Variants in PHF8 observed in about 807,000 individuals in gnomAD.
The protein encoded by PHF8 is histone lysine demethylase PHF8.
Under a neutral mutation model 74.4 loss-of-function variants are expected in PHF8, and 9 were observed. That is an observed-to-expected ratio of 0.12 (90% CI 0.07 to 0.21). The LOEUF (loss-of-function observed/expected upper bound fraction) is 0.21. PHF8 is among the 10% of genes least tolerant of loss of function. The pLI is 1.00. For missense variants in PHF8, 478 were observed against 816.6 expected (o/e 0.59, Z 5.05); for synonymous variants, 311 against 316.6 (o/e 0.98, Z 0.19).
Position 53,940,257 on chromosome X carries a change from G to A in PHF8, c.2909C>T (p.Thr970Ile), listed in dbSNP as rs1557083020. ...AFGMAQANRS[T>I]TPMAPGVFLT... ...GAAGACACCGGGGGCCATAGGTGTG[G>A]TGCTGCGGTTTGCCTGGGCCATGCC... is the stretch of plus-strand genomic sequence containing the variant. Residue 970 changes from threonine to isoleucine, a missense_variant, in exon 21 of 22, where the codon ACC (threonine) becomes ATC (isoleucine). By Grantham distance (89) the Thr-to-Ile change is moderately conservative. Transcript: ENST00000338154. 8.3e-7 allele frequency: 1 copy of A among 1,199,564 alleles called. No individual in the cohort carries two copies. The highest frequency in any genetic ancestry group is 2.3e-5 in the Admixed American group (1 of 44,189).
Position 54,014,297 on chromosome X carries a change from A to T in PHF8, c.783+80T>A, listed in dbSNP as rs2066028120. On this transcript the variant is annotated intron_variant, in intron 7 of 21. Transcript: ENST00000338154. ...TTCAAAATGTAAATCAAACTGATTC[A>T]AAATGTTTCTGTGCTGCCATGTGAC... The T allele has an allele frequency of 1.5e-5, 11 of 734,064 alleles. No homozygotes were observed. In the South Asian group the frequency reaches 2.4e-4, roughly 16 times the overall value. The allele number at this position is 734,064 out of a possible 1,213,427, so 60.5% of individuals were successfully genotyped here. A position where few individuals can be genotyped will look rare whatever the true frequency, so the allele number is the denominator to read the frequency against.
At chrX:53,999,046 A>C (rs1321610363) in intron 11 of PHF8, among the ~76,000 whole-genome samples, 1 of 112,424 alleles carries the variant, frequency 8.9e-6, no homozygotes, top group East Asian at 2.8e-4. Flanking sequence ...TAACTATTAA[A>C]TGTTTCTGGA....
upstream of PHF8, chrX:54,045,130 C>G (rs1557117203): frequency 2.8e-6 from 1 of 352,409 alleles, no homozygotes; most frequent in African/African-American, 2.6e-5. Context: ...CCTCTGAACT[C>G]TTCTTTGACC....
chrX:53,981,843 T>C (rs1179332385), intron 18 of PHF8, among the ~76,000 whole-genome samples: 3 of 111,940 alleles, frequency 2.7e-5, no homozygotes, highest in African/African-American at 9.7e-5. Context: ...GACATGAGGT[T>C]ATATTCAGGA....
chrX:53,998,319 T>A (rs1217070248), intron 11 of PHF8, among the ~76,000 whole-genome samples: 2 of 110,591 alleles, frequency 1.8e-5, no homozygotes, highest in Non-Finnish European at 3.8e-5. Context: ...CCAGGCGTGG[T>A]GGCACATGCC....
At chrX:53,961,073 G>A (rs1362639922) in intron 19 of PHF8, among the ~76,000 whole-genome samples, 1 of 108,978 alleles carries the variant, frequency 9.2e-6, no homozygotes, top group East Asian at 2.9e-4. Flanking sequence ...CCAGGCTGGA[G>A]TGCAGTGGCA....
intron 18 of PHF8, among the ~76,000 whole-genome samples, chrX:53,973,457 T>A (rs781854969): frequency 3.6e-5 from 4 of 111,043 alleles, no homozygotes; most frequent in Non-Finnish European, 5.7e-5. Flanking sequence ...CATAGACCAA[T>A]GAACAGAATA....
At chrX:53,989,001 G>A (rs1425503897) in intron 14 of PHF8, among the ~76,000 whole-genome samples, 12 of 99,399 alleles carry the variant, frequency 1.2e-4, no homozygotes, top group Non-Finnish European at 1.2e-4. Flanking sequence ...TTGCTCTGTC[G>A]CCCAGGCTGG....
rs1374755010 is a variant in PHF8, at chrX:53,981,539, A to T, written c.2443+3375T>A. 5.4e-5 allele frequency among the ~76,000 whole-genome samples: 6 copies of T among 111,675 alleles called. No homozygotes were observed. In the Admixed American group the frequency reaches 5.7e-4, roughly 11 times the overall value. On this transcript the variant is annotated intron_variant, in intron 18 of 21. Transcript: ENST00000338154. The stretch of plus-strand genomic sequence containing the variant: ...TTTTTTTTGTTTGTTTGTTTTGCCA[A>T]AAAAGATTGATAGGGACTAGGCCCT...
intron 18 of PHF8, among the ~76,000 whole-genome samples, chrX:53,966,624 C>T (rs782460725): frequency 2.5e-4 from 28 of 112,003 alleles, no homozygotes; most frequent in Non-Finnish European, 4.9e-4. Flanking sequence ...TCCCAAAGTG[C>T]CCAGAGTGCA....
intron 4 of PHF8, among the ~76,000 whole-genome samples, chrX:54,020,263 G>A (rs1259388553): frequency 8.9e-6 from 1 of 112,273 alleles, no homozygotes; most frequent in South Asian, 3.6e-4. Flanking sequence ...GGCACCCTCC[G>A]CACATTATCT....
chrX:54,004,074 C>A (rs1603330351), intron 8 of PHF8, among the ~76,000 whole-genome samples: 1 of 111,819 alleles, frequency 8.9e-6, no homozygotes, highest in East Asian at 2.8e-4. Flanking sequence ...AGCACTTAGC[C>A]CAATACCAGG....
chrX:53,941,413 G>A (rs1036195048), intron 20 of PHF8, among the ~76,000 whole-genome samples: 2 of 111,912 alleles, frequency 1.8e-5, no homozygotes, highest in African/African-American at 6.5e-5. Flanking sequence ...TCACTTTGGG[G>A]ATGGGAATGA....
At position 53,937,379 on chromosome X, in the gene PHF8, A is replaced by C. The variant is rs1028268718; in HGVS notation, c.*1779T>G. The C allele has an allele frequency of 1.8e-5, 2 of 112,107 alleles. No individual in the cohort carries two copies. Among genetic ancestry groups the C allele is most frequent in the Non-Finnish European group, 3.8e-5 (2 of 53,203 alleles). 9.2% of individuals were successfully genotyped at this position (112,107 alleles called of 1,213,427 possible). ...GGGCTGGGGACCTGATCTTGGTTAC[A>C]GCAGTCACCGCATAGTCAGGCAGTT... On this transcript the variant is annotated 3_prime_UTR_variant, in exon 22 of 22. Transcript: ENST00000338154.
chrX:53,944,062 G>T, intron 20 of PHF8, 72 bp downstream of exon 20: 1 of 610,077 alleles, frequency 1.6e-6, no homozygotes, highest in Non-Finnish European at 2.8e-6. Flanking sequence ...CTATCAGCCT[G>T]CAGGTCTAAG....
rs182173122 is a variant in PHF8, at chrX:54,035,834, G to A, written c.98+6797C>T. Among the ~76,000 whole-genome samples the A allele has an allele frequency of 7.4e-5, 8 of 108,742 alleles. No homozygotes were observed. The East Asian group carries it at 1.2e-3, about 16-fold the overall frequency. 94.4% of individuals were successfully genotyped at this position (108,742 alleles called of 115,157 possible). A position where few individuals can be genotyped will look rare whatever the true frequency, so the allele number is the denominator to read the frequency against. ...AAATGAATGAATGAATGAGTAGGCC[G>A]AGTGCAGTGGCTCACACCTGTAATC... On this transcript the variant is annotated intron_variant, in intron 2 of 21. Coordinates refer to ENST00000338154, the MANE Select transcript of PHF8 (RefSeq NM_015107.3).
At chrX:53,954,624 C>A (rs2064986428) in intron 19 of PHF8, among the ~76,000 whole-genome samples, 1 of 82,204 alleles carries the variant, frequency 1.2e-5, no homozygotes, top group Admixed American at 1.6e-4. Flanking sequence ...GCAAAATGTT[C>A]ATTAAATCTG....
In PHF8 at chrX:54,029,970, C is replaced by G. The variant is rs182848823; in HGVS notation, c.99-7127G>C. The stretch of plus-strand genomic sequence containing the variant: ...TGAAGCCAGCTCTGCTCTAAAAAGC[C>G]AGCGGACTCTCGGTGCCATACTCTG... On this transcript the variant is annotated intron_variant, in intron 2 of 21. Transcript: ENST00000338154. Among the ~76,000 whole-genome samples, 22 of 111,134 alleles carry G rather than the reference C, an allele frequency of 2.0e-4. 1 individual carries two copies. The highest frequency in any genetic ancestry group is 6.9e-4 in the African/African-American group (21 of 30,583).
At position 53,938,014 on chromosome X, in the gene PHF8, C is replaced by T. The variant is rs2064692223; in HGVS notation, c.*1144G>A. 1 of 1,162,407 alleles carries T rather than the reference C, an allele frequency of 8.6e-7. No homozygotes were observed. The highest frequency in any genetic ancestry group is 2.6e-5 in the Admixed American group (1 of 38,088). On this transcript the variant is annotated 3_prime_UTR_variant, in exon 22 of 22. Coordinates refer to ENST00000338154, the MANE Select transcript of PHF8 (RefSeq NM_015107.3). Reference sequence around the variant, plus strand: ...GGGCGTCTCTTCTCTTCAACTTGGGCTCGTGAATGGCCTGTCTGCATTCTG... The same window carrying T: ...GGGCGTCTCTTCTCTTCAACTTGGGTTCGTGAATGGCCTGTCTGCATTCTG...
Sources: allele counts gnomAD v4.1 joint callset (sites outside exome capture counted in the v4.1 genomes callset), GRCh38; gene constraint gnomAD v4.1.1; transcripts MANE v1.5; gene names NCBI Gene and HGNC (gene_info 2026-07-23, HGNC 2026-07-21).